The following TENM2 variants were observed in gnomAD, a reference collection of about 807,000 sequenced individuals.
The protein encoded by TENM2 is teneurin-2.
Under a neutral mutation model 245.2 loss-of-function variants are expected in TENM2, and 52 were observed. The observed-to-expected ratio is 0.21, with a 90% CI of 0.17 to 0.27. The LOEUF is 0.27. Ranked by LOEUF, TENM2 falls within the 10% of genes least tolerant of loss-of-function variation. TENM2 has a pLI of 1.00. For synonymous variants in TENM2, 1,363 were observed against 1,438.9 expected, an observed-to-expected ratio of 0.95 and a Z score of 1.19; for missense variants, 3,046 against 3,666.8, an observed-to-expected ratio of 0.83 and a Z score of 4.37.
chr5:168,230,223 C>CATTTAATTGTCTGGTGTTAGT (rs1764726674), intron 25 of TENM2, among the ~76,000 whole-genome samples: 1 of 152,218 alleles, frequency 6.6e-6, no homozygotes, highest in Non-Finnish European at 1.5e-5. Flanking sequence ...AACACCTCAA[C>CATTTAATTGTCTGGTGTTAGT]ATTTAATTGT....
the TENM2 span, among the ~76,000 whole-genome samples, chr5:167,019,435 T>TAGCACA: frequency 9.2e-5 from 14 of 152,260 alleles, no homozygotes; most frequent in South Asian, 2.3e-3. Flanking sequence ...AGGTAAAACA[T>TAGCACA]AGCACAAGCT....
chr5:167,901,305 GA>G (rs1393948917), intron 3 of TENM2, among the ~76,000 whole-genome samples: 2 of 152,040 alleles, frequency 1.3e-5, no homozygotes, highest in Non-Finnish European at 2.9e-5. Context: ...ATGTAAGGAT[GA>G]AAAAAATCAT....
intron 2 of TENM2, among the ~76,000 whole-genome samples, chr5:167,456,184 C>T (rs540820587): frequency 6.6e-6 from 1 of 152,214 alleles, no homozygotes; most frequent in Non-Finnish European, 1.5e-5. Flanking sequence ...AGGACACATC[C>T]TTGGAAGAGA....
rs114731809 is a variant in TENM2, at chr5:168,109,424, C to T, written c.1814-8868C>T. ...TCCTTGTGTCATACGTCATGATCGT[C>T]TCCGTTTCACAGCTAAAGAAACTGA... is the stretch of plus-strand genomic sequence containing the variant. On this transcript the variant is annotated intron_variant, in intron 9 of 28. Transcript: ENST00000518659. 7.8e-3 allele frequency among the ~76,000 whole-genome samples: 1,186 copies of T among 152,350 alleles called. 13 individuals carry two copies. The highest frequency in any genetic ancestry group is 0.027 in the African/African-American group (1,120 of 41,584).
At chr5:167,698,685 T>G (rs542560871) in intron 2 of TENM2, among the ~76,000 whole-genome samples, 49 of 134,324 alleles carry the variant, frequency 3.6e-4, no homozygotes, top group South Asian at 1.6e-3. Flanking sequence ...TTTTGTTTTT[T>G]TTTTTTTTTT....
At chr5:167,478,884 A>G (rs901657588) in intron 2 of TENM2, among the ~76,000 whole-genome samples, 1 of 152,076 alleles carries the variant, frequency 6.6e-6, no homozygotes, top group Non-Finnish European at 1.5e-5. Context: ...TTCATTGAGC[A>G]CCTGCTATGG....
chr5:167,158,903 C>CCTTCCT, the TENM2 span, among the ~76,000 whole-genome samples: 1 of 135,968 alleles, frequency 7.4e-6, no homozygotes, highest in Admixed American at 7.1e-5. Context: ...TTCCTTCCTT[C>CCTTCCT]CTTCCTCTTC....
At chr5:167,896,762 G>T (rs1010884066) in intron 3 of TENM2, among the ~76,000 whole-genome samples, 3 of 152,090 alleles carry the variant, frequency 2.0e-5, no homozygotes, top group Non-Finnish European at 2.9e-5. Flanking sequence ...TATCAACCTC[G>T]CAATACCTTT....
At chr5:167,383,559 C>G (rs950901564) in intron 2 of TENM2, among the ~76,000 whole-genome samples, 1 of 151,856 alleles carries the variant, frequency 6.6e-6, no homozygotes, top group Non-Finnish European at 1.5e-5. Flanking sequence ...CTTCCTTTCC[C>G]AACTTTCGTC....
chr5:167,286,064 G>A (rs1029998616), intron 1 of TENM2, among the ~76,000 whole-genome samples: 2 of 152,124 alleles, frequency 1.3e-5, no homozygotes, highest in Non-Finnish European at 2.9e-5. Context: ...GTGCATGTGT[G>A]TATATATGTT....
the TENM2 span, among the ~76,000 whole-genome samples, chr5:167,025,457 G>A: frequency 1.0e-3 from 152 of 152,024 alleles, no homozygotes; most frequent in Middle Eastern, 3.4e-3. Flanking sequence ...AATACATTTC[G>A]TCATTTAAAA....
chr5:167,859,212 A>G (rs1771420974), intron 2 of TENM2, among the ~76,000 whole-genome samples: 2 of 66,294 alleles, frequency 3.0e-5, no homozygotes, highest in Non-Finnish European at 6.2e-5. Flanking sequence ...CCGTCTGAGA[A>G]GTGAGGAGAC....
the TENM2 span, among the ~76,000 whole-genome samples, chr5:167,047,912 G>T: frequency 6.6e-6 from 1 of 151,834 alleles, no homozygotes; most frequent in African/African-American, 2.4e-5. Flanking sequence ...TAACTTATCT[G>T]TGCTTCATCA....
the TENM2 span, among the ~76,000 whole-genome samples, chr5:166,983,687 C>T: frequency 2.6e-5 from 4 of 152,006 alleles, no homozygotes; most frequent in East Asian, 1.9e-4. Context: ...CCAGAATATT[C>T]GTGGTAGATG....
chr5:167,835,093 A>C (rs1768870175), intron 2 of TENM2, among the ~76,000 whole-genome samples: 1 of 152,206 alleles, frequency 6.6e-6, no homozygotes, highest in Admixed American at 6.5e-5. Context: ...AGTACTCTCA[A>C]CTTTAAGGTG....
In TENM2 at chr5:167,839,723, A is replaced by G. The variant is rs368302573; in HGVS notation, c.503-36263A>G. Among the ~76,000 whole-genome samples, 127 of 152,332 alleles carry G rather than the reference A, an allele frequency of 8.3e-4. 3 individuals carry two copies. In the South Asian group the frequency reaches 0.025, roughly 31 times the overall value. ...TGCAGTGTTTGCAGTTTCTCTAAGG[A>G]AGGAATACCAGTTTTTGCTTATTTG... On this transcript the variant is annotated intron_variant, in intron 2 of 28. Coordinates refer to ENST00000518659, the Ensembl canonical transcript of TENM2.
At chr5:167,017,877 C>T in the TENM2 span, among the ~76,000 whole-genome samples, 2 of 152,052 alleles carry the variant, frequency 1.3e-5, no homozygotes, top group Non-Finnish European at 2.9e-5. Flanking sequence ...ACCGTTGTCA[C>T]GGACATGCTG....
chr5:167,522,024 T>C (rs1770786538), intron 2 of TENM2, among the ~76,000 whole-genome samples: 1 of 152,164 alleles, frequency 6.6e-6, no homozygotes, highest in Non-Finnish European at 1.5e-5. Flanking sequence ...ACCTTTCAAA[T>C]GTTTCTAATA....
At chr5:167,672,180 C>T (rs1755992945) in intron 2 of TENM2, among the ~76,000 whole-genome samples, 2 of 150,852 alleles carry the variant, frequency 1.3e-5, no homozygotes, top group South Asian at 2.1e-4. Flanking sequence ...AAACAAAAGA[C>T]AATTTCATAA....
Sources: allele counts gnomAD v4.1 joint callset (sites outside exome capture counted in the v4.1 genomes callset), GRCh38; gene constraint gnomAD v4.1.1; transcripts MANE v1.5; gene names NCBI Gene and HGNC (gene_info 2026-07-23, HGNC 2026-07-21).